The following JAKMIP3 variants were observed in gnomAD, a reference collection of about 807,000 sequenced individuals.
JAKMIP3 encodes the protein Janus kinase and microtubule interacting protein 3, also known as janus kinase and microtubule-interacting protein 3.
JAKMIP3 carries 58 observed loss-of-function variants against 118.5 expected under a neutral mutation model. The ratio of observed to expected loss-of-function variants is 0.49; its 90% CI spans 0.40 to 0.61. The LOEUF is 0.61. Among genes scored for constraint, JAKMIP3 ranks in the 20% least tolerant of loss-of-function variants. The pLI is 0.00. For synonymous variants in JAKMIP3, 486 were observed against 451.2 expected, an observed-to-expected ratio of 1.08 and a Z score of -0.98; for missense variants, 950 against 1,109.0, an observed-to-expected ratio of 0.86 and a Z score of 2.04.
rs762161821 is a variant in JAKMIP3 at position 132,117,534 on chromosome 10, C to T, written c.593C>T (p.Thr198Ile). ...TACCACCTGCACCAGGAGGAGATCACCCGCATCAAGAAGGAGTGCGAGCGG... is the reference window on the plus strand; with the variant it reads ...TACCACCTGCACCAGGAGGAGATCATCCGCATCAAGAAGGAGTGCGAGCGG... ...SVYHLHQEEI[T>I]RIKKECEREI... Residue 198 changes from threonine (T) to isoleucine (I), a missense_variant, in exon 3 of 24, where the codon ACC becomes ATC. Thr to Ile is a moderately conservative substitution (Grantham distance 89). Transcript: ENST00000684848. This position sits in a 1 kb window ranked among gnomAD's most constrained non-coding sequence, Gnocchi z 8.6. The T allele has an allele frequency of 6.3e-7, 1 of 1,589,242 alleles. No homozygotes were observed. Among genetic ancestry groups the T allele is most frequent in the African/African-American group, 1.3e-5 (1 of 74,380 alleles).
intron 3 of JAKMIP3, among the ~76,000 whole-genome samples, chr10:132,120,214 C>T (rs7088991): frequency 0.19 from 29,459 of 152,186 alleles, 2,985 homozygotes; most frequent in East Asian, 0.37. Context: ...TTTACTGTTT[C>T]GATGCTTAAA....
At chr10:132,076,692 G>A (rs989934561) in intron 1 of JAKMIP3, among the ~76,000 whole-genome samples, 1 of 150,222 alleles carries the variant, frequency 6.7e-6, no homozygotes, top group Non-Finnish European at 1.5e-5. Flanking sequence ...ACTGGCCTGC[G>A]GTGGCCCCGG....
chr10:132,140,164 C>T (rs1472121448), intron 9 of JAKMIP3, among the ~76,000 whole-genome samples: 2 of 152,344 alleles, frequency 1.3e-5, no homozygotes, highest in African/African-American at 2.4e-5. Context: ...CTCAGGGAAC[C>T]GCAGGGACGG....
intron 1 of JAKMIP3, among the ~76,000 whole-genome samples, chr10:132,098,087 G>A (rs2044276820): frequency 2.7e-5 from 4 of 149,360 alleles, no homozygotes; most frequent in Non-Finnish European, 5.9e-5. Context: ...CCAGGTGGGA[G>A]TGCAGTGACA....
intron 2 of JAKMIP3, among the ~76,000 whole-genome samples, chr10:132,109,148 A>G (rs1413657594): frequency 6.6e-6 from 1 of 151,040 alleles, no homozygotes; most frequent in Non-Finnish European, 1.5e-5. Context: ...ATATATATAT[A>G]CACACACATA....
chr10:132,174,353 C>T (rs889357012), intron 23 of JAKMIP3, among the ~76,000 whole-genome samples: 1 of 152,134 alleles, frequency 6.6e-6, no homozygotes, highest in Non-Finnish European at 1.5e-5. Flanking sequence ...GCAAAACCCA[C>T]ATAAGGTTCC....
intron 1 of JAKMIP3, among the ~76,000 whole-genome samples, chr10:132,045,295 T>G (rs892861798): frequency 6.6e-6 from 1 of 152,094 alleles, no homozygotes; most frequent in Non-Finnish European, 1.5e-5. Context: ...GTTTCATGCT[T>G]GTTGGCTGCC....
At position 132,049,870 on chromosome 10, in the gene JAKMIP3, G is replaced by T. The variant is rs867095355; in HGVS notation, c.-138+13132G>T. Among the ~76,000 whole-genome samples the T allele has an allele frequency of 5.1e-4, 78 of 152,156 alleles. No individual in the cohort carries two copies. The highest frequency in any genetic ancestry group is 1.8e-3 in the African/African-American group (76 of 41,528). On this transcript the variant is annotated intron_variant, in intron 1 of 23. Transcript: ENST00000657785. The surrounding 1 kb of genome is among the most constrained non-coding windows in gnomAD (Gnocchi z 4.3). ...AGTCTTCTGTGACGTTTTTGTTTTG[G>T]CTATTTTTGATATTGGGATATTTTA...
At chr10:132,148,522 CGTCCT>C (rs1564963450) in intron 14 of JAKMIP3, among the ~76,000 whole-genome samples, 49 of 121,086 alleles carry the variant, frequency 4.0e-4, no homozygotes, top group African/African-American at 9.6e-4. Flanking sequence ...TCCATCCGCC[CGTCCT>C]CCATCCGCCC....
In JAKMIP3 at chr10:132,118,619, G is replaced by A. The variant is rs1399393446; in HGVS notation, c.633+1045G>A. Among the ~76,000 whole-genome samples the A allele has an allele frequency of 6.6e-6, 1 of 152,226 alleles. No individual in the cohort carries two copies. The highest frequency in any genetic ancestry group is 1.5e-5 in the Non-Finnish European group (1 of 68,032). Reference sequence around the variant, plus strand: ...GCTCTCCACACCCACAGCCAGGAAGGGAGAACCAGCCATTGTGGAGTAAAT... The same window carrying A: ...GCTCTCCACACCCACAGCCAGGAAGAGAGAACCAGCCATTGTGGAGTAAAT... On this transcript the variant is annotated intron_variant, in intron 3 of 23. Coordinates refer to ENST00000684848, the MANE Select transcript of JAKMIP3 (RefSeq NM_001323087.2). This position sits in a 1 kb window ranked among gnomAD's most constrained non-coding sequence, Gnocchi z 4.8.
intron 1 of JAKMIP3, among the ~76,000 whole-genome samples, chr10:132,054,566 C>A (rs1402700552): frequency 6.6e-6 from 1 of 152,104 alleles, no homozygotes; most frequent in Non-Finnish European, 1.5e-5. Context: ...CCTGGGTAGC[C>A]CACACTACGA....
In JAKMIP3 at chr10:132,180,842, C is replaced by T. The variant is rs116820844; in HGVS notation, c.*1104-1515C>T. On this transcript the variant is annotated intron_variant, in intron 23 of 23. Coordinates refer to ENST00000684848, the MANE Select transcript of JAKMIP3 (RefSeq NM_001323087.2). ...TATGCATGTGTGTATATATCGTGTG[C>T]ATGTGTGTGCTGTGTGTGAGTGGTG... 2.2e-3 allele frequency among the ~76,000 whole-genome samples: 324 copies of T among 150,116 alleles called. 2 individuals are homozygous for T. Among genetic ancestry groups the T allele is most frequent in the African/African-American group, 7.7e-3 (313 of 40,528 alleles).
Position 132,163,249 on chromosome 10 carries a change from A to G in JAKMIP3, c.2261A>G (p.Gln754Arg), listed in dbSNP as rs780283814. Residue 754 changes from glutamine to arginine, a missense_variant, in exon 20 of 24, where the codon CAG (glutamine) becomes CGG (arginine). Physicochemically the swap from Gln to Arg is conservative, Grantham distance 43. Coordinates refer to ENST00000684848, the MANE Select transcript of JAKMIP3 (RefSeq NM_001323087.2). Reference protein sequence around the residue: ...ELEAMLYDALQQEAGAKVAEL... With the variant: ...ELEAMLYDALRQEAGAKVAEL... The stretch of plus-strand genomic sequence containing the variant: ...GAAGCCATGCTGTATGATGCCCTGC[A>G]GCAGGAGGCCGGGGCTAAGGTGGCT... The G allele has an allele frequency of 6.3e-7, 1 of 1,579,514 alleles. No individual in the cohort carries two copies. The highest frequency in any genetic ancestry group is 1.8e-5 in the Admixed American group (1 of 54,350).
At chr10:132,102,874 A>AG (rs1051437862) in intron 1 of JAKMIP3, among the ~76,000 whole-genome samples, 1 of 151,060 alleles carries the variant, frequency 6.6e-6, no homozygotes, top group Non-Finnish European at 1.5e-5. Context: ...ATGCAGGAGT[A>AG]GGGGGGGAGG....
intron 1 of JAKMIP3, among the ~76,000 whole-genome samples, chr10:132,050,168 G>A (rs769546173): frequency 7.2e-5 from 11 of 152,148 alleles, no homozygotes; most frequent in Non-Finnish European, 1.5e-4. Context: ...TCAATTGCAT[G>A]CCTGTTTGCA....
chr10:132,064,088 C>T (rs1264180618), upstream of JAKMIP3, among the ~76,000 whole-genome samples: 2 of 152,036 alleles, frequency 1.3e-5, no homozygotes, highest in African/African-American at 4.8e-5. The surrounding 1 kb of genome is among the most constrained non-coding windows in gnomAD (Gnocchi z 4.4). Flanking sequence ...TTTAAATGGC[C>T]CCATTGTATT....
chr10:132,094,959 C>G (rs994270237), intron 1 of JAKMIP3, among the ~76,000 whole-genome samples: 5 of 152,004 alleles, frequency 3.3e-5, no homozygotes, highest in Non-Finnish European at 7.4e-5. Context: ...TGTGTACCTA[C>G]GAGAATTATG....
chr10:132,056,029 G>A (rs1357575525), intron 1 of JAKMIP3, among the ~76,000 whole-genome samples: 1 of 152,130 alleles, frequency 6.6e-6, no homozygotes, highest in African/African-American at 2.4e-5. Context: ...GTCCGCCTGG[G>A]GACACACGCC....
In JAKMIP3 at chr10:132,104,940, C is replaced by T; in HGVS notation, c.132C>T (p.Ser44=). 9 of 1,589,332 alleles carry T rather than the reference C, an allele frequency of 5.7e-6. No individual in the cohort carries two copies. Among genetic ancestry groups the T allele is most frequent in the Non-Finnish European group, 7.7e-6 (9 of 1,168,150 alleles). Residue 44 remains serine, a synonymous_variant, in exon 2 of 24, where the codon AGC becomes AGT. Coordinates refer to ENST00000684848, the MANE Select transcript of JAKMIP3 (RefSeq NM_001323087.2). ...DIQIELQQEK[S]KVSKVEREKN... is the part of the protein sequence containing the mutation. ...AGATCGAGCTGCAGCAGGAGAAGAG[C>T]AAGGTGGGCGCTCCCCAGACCTCCA...
Sources: allele counts gnomAD v4.1 joint callset (sites outside exome capture counted in the v4.1 genomes callset), GRCh38; gene constraint gnomAD v4.1.1; non-coding constraint Gnocchi (gnomAD v3.1); transcripts MANE v1.5; gene names NCBI Gene and HGNC (gene_info 2026-07-23, HGNC 2026-07-21).